LRFN2: variants seen among roughly 807,000 people sequenced by gnomAD.
LRFN2 encodes the protein leucine-rich repeat and fibronectin type-III domain-containing protein 2.
A neutral mutation model predicts 37.3 loss-of-function variants in LRFN2; 18 were observed. The observed-to-expected ratio is 0.48, with a 90% confidence interval of 0.33 to 0.72. The LOEUF (loss-of-function observed/expected upper bound fraction) is 0.72, where lower values mean the gene tolerates loss of function less well. LRFN2 is among the 30% of genes least tolerant of loss of function. The pLI, the probability that LRFN2 is intolerant of heterozygous loss-of-function variation, is 0.02. For missense variants in LRFN2, 1,006 were observed against 1,060.7 expected (o/e 0.95, Z 0.72); for synonymous variants, 556 against 466.6 (o/e 1.19, Z -2.47).
chr6:40,541,055 T>C (rs1285887418), intron 1 of LRFN2, among the ~76,000 whole-genome samples: 3 of 152,172 alleles, frequency 2.0e-5, no homozygotes, highest in Non-Finnish European at 4.4e-5. Flanking sequence ...AGAACTGCTG[T>C]GGGCACAGAG....
Position 40,485,434 on chromosome 6 carries a change from C to T in LRFN2, c.-18-52303G>A, listed in dbSNP as rs564433969. On this transcript the variant is annotated intron_variant, in intron 1 of 2. Coordinates refer to ENST00000338305, the MANE Select transcript of LRFN2 (RefSeq NM_020737.3). ...GGGGGTGAGAGGATGCTTAATGTGG[C>T]AGTTAAAATGCTAAGCTGAGTAATC... is the stretch of plus-strand genomic sequence containing the variant. 4.6e-5 allele frequency among the ~76,000 whole-genome samples: 7 copies of T among 152,296 alleles called. No individual in the cohort carries two copies. In the East Asian group the frequency reaches 1.3e-3, roughly 29 times the overall value.
chr6:40,528,763 C>T (rs1310357290), intron 1 of LRFN2, among the ~76,000 whole-genome samples: 3 of 152,134 alleles, frequency 2.0e-5, no homozygotes, highest in Non-Finnish European at 4.4e-5. Flanking sequence ...GTTGAAACAT[C>T]CTAAGTTGGG....
intron 1 of LRFN2, among the ~76,000 whole-genome samples, chr6:40,508,859 G>A (rs2113883591): frequency 6.6e-6 from 1 of 152,260 alleles, no homozygotes; most frequent in Middle Eastern, 3.4e-3. Flanking sequence ...CTCTGCTAAC[G>A]ACCACATCAT....
intron 1 of LRFN2, among the ~76,000 whole-genome samples, chr6:40,532,055 A>G (rs1581781556): frequency 6.6e-6 from 1 of 152,222 alleles, no homozygotes; most frequent in East Asian, 1.9e-4. Context: ...AACCCCACCT[A>G]CCTTTCCAAT....
intron 1 of LRFN2, among the ~76,000 whole-genome samples, chr6:40,520,480 G>A (rs897433660): frequency 6.6e-6 from 1 of 152,186 alleles, no homozygotes. Flanking sequence ...CATTGCAGGA[G>A]AAGCCCCCTC....
In LRFN2 at chr6:40,392,474, G is replaced by C. The variant is rs1252632458; in HGVS notation, c.1839C>G (p.Ala613=). 2 of 1,570,928 alleles carry C rather than the reference G, an allele frequency of 1.3e-6. No homozygotes were observed. The highest frequency in any genetic ancestry group is 1.7e-6 in the Non-Finnish European group (2 of 1,158,680). ...VVRNELLDFT[A]SLARASDSSS... ...AGGAGTCACTGGCGCGGGCCAGGCT[G>C]GCGGTGAAGTCCAGGAGCTCGTTGC... Residue 613 remains alanine (A), a synonymous_variant, in exon 3 of 3, where the codon GCC becomes GCG. Transcript: ENST00000338305. The surrounding 1 kb of genome is among the most constrained non-coding windows in gnomAD (Gnocchi z 4.7).
intron 2 of LRFN2, among the ~76,000 whole-genome samples, chr6:40,411,494 T>C (rs572820711): frequency 3.9e-5 from 6 of 152,286 alleles, no homozygotes; most frequent in African/African-American, 1.2e-4. Flanking sequence ...GGGTGAACAC[T>C]CGAATCAGCG....
rs1447048287 is a variant in LRFN2, at chr6:40,392,480, G to A, written c.1833C>T (p.Phe611=). 4 of 1,573,174 alleles carry A rather than the reference G, an allele frequency of 2.5e-6. No individual in the cohort carries two copies. The East Asian group carries it at 9.5e-5, about 37-fold the overall frequency. ...CACTGGCGCGGGCCAGGCTGGCGGT[G>A]AAGTCCAGGAGCTCGTTGCGCACCA... ...KVVVRNELLD[F]TASLARASDS... is the part of the protein sequence containing the mutation. Residue 611 remains phenylalanine (F), a synonymous_variant, in exon 3 of 3, where the codon TTC becomes TTT. Coordinates refer to ENST00000338305, the MANE Select transcript of LRFN2 (RefSeq NM_020737.3). This position sits in a 1 kb window ranked among gnomAD's most constrained non-coding sequence, Gnocchi z 4.7.
chr6:40,472,137 C>T (rs868406289), intron 1 of LRFN2, among the ~76,000 whole-genome samples: 10 of 152,224 alleles, frequency 6.6e-5, no homozygotes, highest in African/African-American at 2.2e-4. Context: ...TTGAATTCTT[C>T]CCCGGTCAAC....
intron 1 of LRFN2, among the ~76,000 whole-genome samples, chr6:40,534,690 A>G (rs1766417589): frequency 1.3e-5 from 2 of 152,108 alleles, no homozygotes; most frequent in Admixed American, 1.3e-4. Flanking sequence ...TATTGCTATT[A>G]TTATTGTTGG....
At chr6:40,512,042 GC>G (rs1765723727) in intron 1 of LRFN2, among the ~76,000 whole-genome samples, 1 of 152,214 alleles carries the variant, frequency 6.6e-6, no homozygotes, top group Non-Finnish European at 1.5e-5. Context: ...AACTCCTGAG[GC>G]TGAAAGCCAG....
intron 1 of LRFN2, among the ~76,000 whole-genome samples, chr6:40,467,845 C>T (rs1458077287): frequency 6.6e-6 from 1 of 152,108 alleles, no homozygotes; most frequent in Non-Finnish European, 1.5e-5. Context: ...AAATCTGAGC[C>T]TTAGGGTGCT....
chr6:40,406,004 AAC>A (rs1762837444), intron 2 of LRFN2, among the ~76,000 whole-genome samples: 1 of 152,126 alleles, frequency 6.6e-6, no homozygotes, highest in Non-Finnish European at 1.5e-5. Flanking sequence ...TGGTGGAGGC[AAC>A]AGTGTCAGGG....
intron 1 of LRFN2, among the ~76,000 whole-genome samples, chr6:40,464,138 G>T (rs938167823): frequency 1.3e-5 from 2 of 152,172 alleles, no homozygotes; most frequent in African/African-American, 4.8e-5. Context: ...GCATTATAAT[G>T]ATTTCATATG....
At position 40,465,260 on chromosome 6, in the gene LRFN2, T is replaced by A. The variant is rs9296334; in HGVS notation, c.-18-32129A>T. Among the ~76,000 whole-genome samples the A allele has an allele frequency of 9.5e-3, 1,446 of 152,242 alleles. 27 individuals carry two copies. The highest frequency in any genetic ancestry group is 0.058 in the Middle Eastern group (17 of 294). On this transcript the variant is annotated intron_variant, in intron 1 of 2. Coordinates refer to ENST00000338305, the MANE Select transcript of LRFN2 (RefSeq NM_020737.3). ...AAGGAATGTAGCTCTGCCAGTACCTTGATTTTAGTTTAATGAGACCCATTT... is the reference window on the plus strand; with the variant it reads ...AAGGAATGTAGCTCTGCCAGTACCTAGATTTTAGTTTAATGAGACCCATTT...
chr6:40,449,579 G>T (rs1312433778), intron 1 of LRFN2, among the ~76,000 whole-genome samples: 1 of 152,218 alleles, frequency 6.6e-6, no homozygotes, highest in African/African-American at 2.4e-5. Context: ...TGGACCATAA[G>T]GTGGTGGCCA....
intron 1 of LRFN2, among the ~76,000 whole-genome samples, chr6:40,510,098 G>T (rs938284849): frequency 2.0e-5 from 3 of 150,284 alleles, no homozygotes; most frequent in Non-Finnish European, 4.4e-5. Context: ...ACACTGGGTT[G>T]TTCAGATAAG....
At chr6:40,580,656 A>G (rs1281185675) in intron 1 of LRFN2, among the ~76,000 whole-genome samples, 1 of 152,186 alleles carries the variant, frequency 6.6e-6, no homozygotes, top group Non-Finnish European at 1.5e-5. Flanking sequence ...GAATGACAGA[A>G]GGCCATGTAT....
At chr6:40,429,356 C>T (rs953186783) in intron 2 of LRFN2, among the ~76,000 whole-genome samples, 3 of 152,336 alleles carry the variant, frequency 2.0e-5, no homozygotes, top group East Asian at 1.9e-4. Flanking sequence ...ATCTTCTCTC[C>T]CCCTCACGAA....
Sources: gnomAD v4.1 joint callset for allele counts (sites outside exome capture counted in the v4.1 genomes callset) on GRCh38, gnomAD v4.1.1 for gene constraint, Gnocchi (gnomAD v3.1) non-coding constraint, MANE v1.5 for transcripts, NCBI Gene and HGNC (gene_info 2026-07-23, HGNC 2026-07-21) for gene names.